Variants in CCSER1 observed in about 807,000 individuals in gnomAD.
CCSER1 encodes serine-rich coiled-coil domain-containing protein 1.
CCSER1 carries 41 observed loss-of-function variants against 82.0 expected under a neutral mutation model. The observed-to-expected ratio is 0.50, with a 90% CI of 0.39 to 0.65. CCSER1 has a LOEUF of 0.65. Ranked by LOEUF, CCSER1 falls within the 30% of genes least tolerant of loss-of-function variation. The pLI, the probability that CCSER1 is intolerant of heterozygous loss-of-function variation, is 0.00. For missense variants in CCSER1, 1,119 were observed against 1,064.2 expected, an observed-to-expected ratio of 1.05 and a Z score of -0.72; for synonymous variants, 414 against 383.9, an observed-to-expected ratio of 1.08 and a Z score of -0.92.
chr4:90,578,933 A>G (rs2148621508), intron 5 of CCSER1, among the ~76,000 whole-genome samples: 1 of 152,262 alleles, frequency 6.6e-6, no homozygotes, highest in African/African-American at 2.4e-5. Flanking sequence ...ATTTTAAAGC[A>G]TTGGTACTAA....
intron 3 of CCSER1, among the ~76,000 whole-genome samples, chr4:90,399,488 A>G (rs1329997100): frequency 6.6e-6 from 1 of 152,112 alleles, no homozygotes; most frequent in Non-Finnish European, 1.5e-5. Context: ...CAGTTGTCAC[A>G]ATATACAAAA....
chr4:90,705,571 G>A (rs567153388), intron 6 of CCSER1, among the ~76,000 whole-genome samples: 7 of 152,326 alleles, frequency 4.6e-5, no homozygotes, highest in Admixed American at 2.0e-4. Context: ...GCCCCCAGAG[G>A]TGGAGTCTAC....
At chr4:90,734,157 G>C (rs1188766085) in intron 7 of CCSER1, among the ~76,000 whole-genome samples, 1 of 150,926 alleles carries the variant, frequency 6.6e-6, no homozygotes, top group South Asian at 2.1e-4. Context: ...ATGGAATCTC[G>C]CTTTGTCGCC....
At chr4:90,470,617 G>T (rs1449130469) in intron 5 of CCSER1, among the ~76,000 whole-genome samples, 2 of 151,828 alleles carry the variant, frequency 1.3e-5, no homozygotes, top group Non-Finnish European at 2.9e-5. Context: ...CATGTTTTTT[G>T]CTTGACTCTT....
At chr4:91,569,981 GA>G (rs1194810485) in intron 10 of CCSER1, among the ~76,000 whole-genome samples, 11 of 152,104 alleles carry the variant, frequency 7.2e-5, no homozygotes, top group African/African-American at 2.7e-4. Flanking sequence ...TATGATGGGG[GA>G]AAAGGCACTG....
At position 90,133,440 on chromosome 4, in the gene CCSER1, C is replaced by T. The variant is rs564831954; in HGVS notation, c.-42+5609C>T. ...TTTCTGTTTAGTTTTGTTGACTCTCCTGTGATATTTTTGGTTTTGGCATAT... is the reference window on the plus strand; with the variant it reads ...TTTCTGTTTAGTTTTGTTGACTCTCTTGTGATATTTTTGGTTTTGGCATAT... On this transcript the variant is annotated intron_variant, in intron 1 of 10. Transcript: ENST00000509176. 5.1e-4 allele frequency among the ~76,000 whole-genome samples: 78 copies of T among 152,230 alleles called. No homozygotes were observed. In the South Asian group the frequency reaches 0.016, roughly 32 times the overall value.
At chr4:91,129,498 G>A (rs1363109251) in intron 10 of CCSER1, among the ~76,000 whole-genome samples, 1 of 151,922 alleles carries the variant, frequency 6.6e-6, no homozygotes, top group African/African-American at 2.4e-5. Flanking sequence ...AAGTTAGATG[G>A]CATAAGATAG....
At chr4:90,919,597 C>T (rs1728080575) in intron 8 of CCSER1, among the ~76,000 whole-genome samples, 1 of 151,364 alleles carries the variant, frequency 6.6e-6, no homozygotes, top group African/African-American at 2.4e-5. Flanking sequence ...AGTTAAGTAC[C>T]CTTAATAAAT....
At chr4:90,571,345 G>A (rs748374850) in intron 5 of CCSER1, among the ~76,000 whole-genome samples, 3 of 152,176 alleles carry the variant, frequency 2.0e-5, no homozygotes, top group Non-Finnish European at 4.4e-5. Context: ...CCCATCAGTG[G>A]TGGATTTGAT....
In CCSER1 at chr4:90,628,126, G is replaced by GT; in HGVS notation, c.1827dup (p.Val610CysfsTer51). 1 of 1,613,760 alleles carries GT rather than the reference G, an allele frequency of 6.2e-7. No homozygotes were observed. The stretch of plus-strand genomic sequence containing the variant: ...CCATCTGCGGATTGGCCTCTACAAG[G>GT]TGTGGAAGAAAACGGAGGCATAGAT... On this transcript the variant is annotated frameshift_variant, in exon 6 of 11. Transcript: ENST00000509176. LOFTEE classifies it high-confidence loss of function.
chr4:90,562,507 A>T (rs759308317), intron 5 of CCSER1, among the ~76,000 whole-genome samples: 55 of 152,160 alleles, frequency 3.6e-4, no homozygotes, highest in Admixed American at 1.1e-3. Context: ...AATGAGTGAA[A>T]TTGAAATAAG....
At chr4:90,527,431 G>A (rs1773929799) in intron 5 of CCSER1, among the ~76,000 whole-genome samples, 1 of 151,914 alleles carries the variant, frequency 6.6e-6, no homozygotes, top group African/African-American at 2.4e-5. Flanking sequence ...CGATCAAAAG[G>A]CTTTTTTATG....
intron 9 of CCSER1, among the ~76,000 whole-genome samples, chr4:91,043,583 C>CTTTTT (rs11364315): frequency 3.8e-4 from 27 of 71,552 alleles, no homozygotes; most frequent in East Asian, 8.5e-4. Context: ...CATCAGCCTT[C>CTTTTT]TTTTTTTTTT....
intron 10 of CCSER1, among the ~76,000 whole-genome samples, chr4:91,342,780 A>G (rs897191677): frequency 6.6e-6 from 1 of 152,166 alleles, no homozygotes; most frequent in African/African-American, 2.4e-5. Context: ...ATTGTCAGGC[A>G]TAGGAATGTA....
intron 10 of CCSER1, among the ~76,000 whole-genome samples, chr4:91,234,047 T>C (rs1738822703): frequency 6.6e-6 from 1 of 151,928 alleles, no homozygotes; most frequent in Non-Finnish European, 1.5e-5. Context: ...TTCCCAACAG[T>C]AGACAAAAAG....
At chr4:90,799,803 G>A (rs1756549591) in intron 7 of CCSER1, among the ~76,000 whole-genome samples, 2 of 152,182 alleles carry the variant, frequency 1.3e-5, no homozygotes, top group Non-Finnish European at 2.9e-5. Context: ...CTGGCTTGCT[G>A]TCCTTAACAC....
At chr4:90,291,456 C>T (rs113742358) in intron 1 of CCSER1, among the ~76,000 whole-genome samples, 3,106 of 152,094 alleles carry the variant, frequency 0.02, 40 homozygotes, top group Non-Finnish European at 0.031. Context: ...GCTGAAAAGG[C>T]CCTTGTGCCA....
chr4:90,237,818 C>T (rs919759051), intron 1 of CCSER1, among the ~76,000 whole-genome samples: 1 of 152,182 alleles, frequency 6.6e-6, no homozygotes, highest in African/African-American at 2.4e-5. Flanking sequence ...TGAAAGACTA[C>T]TACCATAATA....
chr4:91,173,872 C>G (rs1733031013), intron 10 of CCSER1, among the ~76,000 whole-genome samples: 1 of 152,088 alleles, frequency 6.6e-6, no homozygotes, highest in African/African-American at 2.4e-5. Flanking sequence ...TCCAACAGAC[C>G]TTTAATGAAT....
Sources: gnomAD v4.1 joint callset for allele counts (sites outside exome capture counted in the v4.1 genomes callset) on GRCh38, gnomAD v4.1.1 for gene constraint, MANE v1.5 for transcripts, NCBI Gene and HGNC (gene_info 2026-07-23, HGNC 2026-07-21) for gene names.